The following TMEFF1 variants were observed in gnomAD, a reference collection of about 807,000 sequenced individuals.
TMEFF1 encodes transmembrane protein with EGF like and two follistatin like domains 1, also known as tomoregulin-1.
In TMEFF1, 20 loss-of-function variants were observed where a neutral mutation model predicts 47.5. The observed-to-expected ratio is 0.42, with a 90% confidence interval of 0.30 to 0.61. The LOEUF (loss-of-function observed/expected upper bound fraction) is 0.61. Ranked by LOEUF, TMEFF1 falls within the 20% of genes least tolerant of loss-of-function variation. The pLI, the probability that TMEFF1 is intolerant of heterozygous loss-of-function variation, is 0.19. For missense variants in TMEFF1, 411 were observed against 471.1 expected, an observed-to-expected ratio of 0.87 and a Z score of 1.18; for synonymous variants, 162 against 166.3, an observed-to-expected ratio of 0.97 and a Z score of 0.20.
chr9:100,498,971 A>AATTTCTT, intron 2 of TMEFF1, 97 bp downstream of exon 2: 1 of 1,349,268 alleles, frequency 7.4e-7, no homozygotes, highest in Non-Finnish European at 1.0e-6. Flanking sequence ...CTTGAACCCC[A>AATTTCTT]TAAAGAAATT....
chr9:100,567,074 C>T (rs2118563942), intron 8 of TMEFF1, among the ~76,000 whole-genome samples: 1 of 152,232 alleles, frequency 6.6e-6, no homozygotes, highest in African/African-American at 2.4e-5. Context: ...TAAAATCCTT[C>T]CAGTGGTTCC....
intron 1 of TMEFF1, among the ~76,000 whole-genome samples, chr9:100,478,553 T>C (rs1837277174): frequency 6.6e-6 from 1 of 152,228 alleles, no homozygotes; most frequent in Non-Finnish European, 1.5e-5. Context: ...TTTGTTGTCC[T>C]CTTGCCCCAG....
At chr9:100,500,540 A>C (rs1837738565) in intron 2 of TMEFF1, among the ~76,000 whole-genome samples, 1 of 152,064 alleles carries the variant, frequency 6.6e-6, no homozygotes, top group Non-Finnish European at 1.5e-5. Context: ...CCATCCAGTG[A>C]GTTTTTAATT....
chr9:100,529,022 T>C (rs1838322923), intron 5 of TMEFF1, among the ~76,000 whole-genome samples: 1 of 149,566 alleles, frequency 6.7e-6, no homozygotes, highest in Non-Finnish European at 1.5e-5. Context: ...AATAAAATAC[T>C]TTGCAGACAA....
At chr9:100,522,919 T>A (rs1838192172) in intron 5 of TMEFF1, among the ~76,000 whole-genome samples, 2 of 152,110 alleles carry the variant, frequency 1.3e-5, no homozygotes, top group South Asian at 4.1e-4. Flanking sequence ...TATTTTTTTT[T>A]AGTAGGGATG....
intron 5 of TMEFF1, among the ~76,000 whole-genome samples, chr9:100,533,451 C>T (rs1052579864): frequency 7.9e-5 from 12 of 151,960 alleles, no homozygotes; most frequent in Non-Finnish European, 1.3e-4. Flanking sequence ...TCTTTTAAAT[C>T]ATAATCCCTG....
intron 5 of TMEFF1, among the ~76,000 whole-genome samples, chr9:100,539,568 C>A (rs1838586785): frequency 6.6e-6 from 1 of 152,128 alleles, no homozygotes; most frequent in Admixed American, 6.5e-5. Flanking sequence ...TTGTTCGTTC[C>A]TTCTGGTGGG....
intron 4 of TMEFF1, 126 bp from the exon 5 acceptor site, chr9:100,516,549 A>G (rs1838077327): frequency 8.3e-7 from 1 of 1,211,462 alleles, no homozygotes; most frequent in African/African-American, 1.5e-5. Flanking sequence ...AGATTTTGGA[A>G]GTGACTGTTT....
intron 5 of TMEFF1, among the ~76,000 whole-genome samples, chr9:100,531,939 T>C (rs1161303091): frequency 1.3e-5 from 2 of 149,976 alleles, no homozygotes; most frequent in Non-Finnish European, 1.5e-5. Flanking sequence ...TAACGCCGCA[T>C]ATCTACAACT....
At chr9:100,538,961 C>T (rs1392886220) in intron 5 of TMEFF1, among the ~76,000 whole-genome samples, 1 of 151,844 alleles carries the variant, frequency 6.6e-6, no homozygotes, top group African/African-American at 2.4e-5. Context: ...CTGGAGTGCA[C>T]TGGCTCAATC....
chr9:100,564,098 G>A (rs1839074851), intron 8 of TMEFF1, among the ~76,000 whole-genome samples: 1 of 152,120 alleles, frequency 6.6e-6, no homozygotes, highest in South Asian at 2.1e-4. Flanking sequence ...GTTTTGAGAT[G>A]AAGTCTTGAT....
intron 6 of TMEFF1, among the ~76,000 whole-genome samples, chr9:100,549,603 A>T (rs1382445520): frequency 6.6e-6 from 1 of 152,136 alleles, no homozygotes; most frequent in Non-Finnish European, 1.5e-5. Flanking sequence ...GCTTCTAAAC[A>T]CGTGGTTATG....
intron 5 of TMEFF1, among the ~76,000 whole-genome samples, chr9:100,542,012 T>A (rs1838643360): frequency 6.6e-6 from 1 of 152,174 alleles, no homozygotes; most frequent in Non-Finnish European, 1.5e-5. Context: ...GTTATTTAAT[T>A]GGAAAATGTG....
chr9:100,522,058 A>C (rs1838170871), intron 5 of TMEFF1, among the ~76,000 whole-genome samples: 1 of 152,208 alleles, frequency 6.6e-6, no homozygotes. Flanking sequence ...TCTCTCCCTC[A>C]GAAGGTGCAG....
At chr9:100,495,601 C>T (rs1005002732) in intron 1 of TMEFF1, among the ~76,000 whole-genome samples, 2 of 152,068 alleles carry the variant, frequency 1.3e-5, no homozygotes, top group African/African-American at 4.8e-5. Flanking sequence ...TTTTAAGTAC[C>T]TAGTAGATGC....
rs371225114 is a variant in TMEFF1, at chr9:100,474,803, C to G, written c.196+1063C>G. Among the ~76,000 whole-genome samples the G allele has an allele frequency of 5.9e-5, 9 of 152,240 alleles. No individual in the cohort carries two copies. The East Asian group carries it at 1.7e-3, about 29-fold the overall frequency. ...CTCTCTCCAAGGCCGCTTGCCCCCC[C>G]ACAGCTGTTGGAAACAAAGAGCTTG... On this transcript the variant is annotated intron_variant, in intron 1 of 9. Coordinates refer to ENST00000374879, the MANE Select transcript of TMEFF1 (RefSeq NM_003692.5).
At chr9:100,521,277 T>C (rs189718312) in intron 5 of TMEFF1, among the ~76,000 whole-genome samples, 1 of 152,314 alleles carries the variant, frequency 6.6e-6, no homozygotes, top group Non-Finnish European at 1.5e-5. Context: ...CACCCTTCCT[T>C]CCTGAAACTC....
At chr9:100,516,003 GTTTGGGGCTGGAGGTA>G (rs1293747988) in intron 4 of TMEFF1, among the ~76,000 whole-genome samples, 1 of 152,052 alleles carries the variant, frequency 6.6e-6, no homozygotes, top group Non-Finnish European at 1.5e-5. Context: ...TGTGAGCTGA[GTTTGGGGCTGGAGGTA>G]TTTAGTGTTT....
intron 3 of TMEFF1, among the ~76,000 whole-genome samples, chr9:100,512,688 A>C (rs1393054306): frequency 6.6e-6 from 1 of 152,178 alleles, no homozygotes; most frequent in Non-Finnish European, 1.5e-5. Context: ...GGTAACTTTG[A>C]TGAAGGCTCT....
Sources: allele counts gnomAD v4.1 joint callset (sites outside exome capture counted in the v4.1 genomes callset), GRCh38; gene constraint gnomAD v4.1.1; transcripts MANE v1.5; gene names NCBI Gene and HGNC (gene_info 2026-07-23, HGNC 2026-07-21).